Variants in TMEM178B observed in about 807,000 individuals in gnomAD.
TMEM178B encodes transmembrane protein 178B.
A neutral mutation model predicts 31.0 loss-of-function variants in TMEM178B; 5 were observed. That is an observed-to-expected ratio of 0.16 (90% CI 0.08 to 0.34). The LOEUF is 0.34. TMEM178B is among the 10% of genes least tolerant of loss of function. The pLI is 1.00. For synonymous variants in TMEM178B, 164 were observed against 164.0 expected, an observed-to-expected ratio of 1.00 and a Z score of 0.00; for missense variants, 275 against 400.3, an observed-to-expected ratio of 0.69 and a Z score of 2.67.
the TMEM178B span, among the ~76,000 whole-genome samples, chr7:141,505,705 A>G: frequency 6.6e-6 from 1 of 152,210 alleles, no homozygotes; most frequent in Non-Finnish European, 1.5e-5. Context: ...GCTCTTAACT[A>G]CTTGCTAGCT....
intron 1 of TMEM178B, among the ~76,000 whole-genome samples, chr7:141,164,067 T>G (rs1007688573): frequency 1.3e-5 from 2 of 152,192 alleles, no homozygotes; most frequent in African/African-American, 4.8e-5. Flanking sequence ...CCGTAACTAC[T>G]GAAACCTTAT....
intron 2 of TMEM178B, chr7:141,414,969 G>T (rs1056576501): frequency 6.6e-6 from 1 of 152,250 alleles, no homozygotes; most frequent in Admixed American, 6.5e-5. Flanking sequence ...TGAGCTAGAA[G>T]GTTGCAAGGC....
intron 2 of TMEM178B, among the ~76,000 whole-genome samples, chr7:141,222,687 G>A (rs1453708162): frequency 2.0e-5 from 3 of 152,154 alleles, no homozygotes; most frequent in African/African-American, 4.8e-5. Flanking sequence ...TGTGCAACCT[G>A]TGCAGGTGAA....
At chr7:141,425,834 G>A (rs1801305032) in intron 2 of TMEM178B, among the ~76,000 whole-genome samples, 1 of 152,184 alleles carries the variant, frequency 6.6e-6, no homozygotes. Context: ...TGATCCGGAG[G>A]TAGGACTGAG....
At chr7:141,149,606 A>T (rs1329363481) in intron 1 of TMEM178B, among the ~76,000 whole-genome samples, 1 of 152,218 alleles carries the variant, frequency 6.6e-6, no homozygotes, top group Non-Finnish European at 1.5e-5. Context: ...ATACTGGATT[A>T]GCATGGGCCT....
At chr7:141,192,335 G>A (rs1796710004) in intron 1 of TMEM178B, among the ~76,000 whole-genome samples, 1 of 152,116 alleles carries the variant, frequency 6.6e-6, no homozygotes, top group African/African-American at 2.4e-5. Context: ...TCAGGGTGTG[G>A]AGGGGGAGAT....
intron 1 of TMEM178B, among the ~76,000 whole-genome samples, chr7:141,112,911 GT>G (rs980376310): frequency 6.6e-6 from 1 of 152,212 alleles, no homozygotes; most frequent in Admixed American, 6.5e-5. Flanking sequence ...AGCCCCTCAT[GT>G]GGGGAAGAGG....
At chr7:141,080,827 A>C (rs543919917) in intron 1 of TMEM178B, among the ~76,000 whole-genome samples, 8 of 152,264 alleles carry the variant, frequency 5.3e-5, no homozygotes, top group African/African-American at 1.9e-4. Context: ...ATGGAGCTGA[A>C]AAATTCTTAT....
chr7:141,204,349 CT>C (rs1796928594), intron 1 of TMEM178B, among the ~76,000 whole-genome samples: 1 of 152,214 alleles, frequency 6.6e-6, no homozygotes, highest in African/African-American at 2.4e-5. Flanking sequence ...TCTGCCACCC[CT>C]GTCACCCCCT....
At chr7:141,495,918 G>C in the TMEM178B span, among the ~76,000 whole-genome samples, 4 of 152,196 alleles carry the variant, frequency 2.6e-5, no homozygotes, top group Admixed American at 6.5e-5. Flanking sequence ...AAAATTGATA[G>C]AGCCAATATT....
chr7:141,455,608 G>C (rs147530171), intron 3 of TMEM178B, among the ~76,000 whole-genome samples: 142 of 152,326 alleles, frequency 9.3e-4, no homozygotes, highest in African/African-American at 3.3e-3. Flanking sequence ...ACCTCTCTGT[G>C]CCTCATTTTC....
At chr7:141,356,506 G>A (rs969878131) in intron 2 of TMEM178B, among the ~76,000 whole-genome samples, 14 of 151,832 alleles carry the variant, frequency 9.2e-5, no homozygotes, top group East Asian at 1.9e-4. Context: ...TTTGTTGGTC[G>A]CTTATGTGTA....
chr7:141,206,500 G>C (rs1035640046), intron 1 of TMEM178B, among the ~76,000 whole-genome samples: 4 of 152,176 alleles, frequency 2.6e-5, no homozygotes, highest in Middle Eastern at 3.2e-3. Context: ...TTGTGCTACA[G>C]GGAGGAACTG....
At chr7:141,467,073 A>G (rs1802158318) in intron 3 of TMEM178B, among the ~76,000 whole-genome samples, 1 of 152,186 alleles carries the variant, frequency 6.6e-6, no homozygotes, top group South Asian at 2.1e-4. Context: ...TCTCCAGGTC[A>G]TACAAAGCAC....
intron 1 of TMEM178B, among the ~76,000 whole-genome samples, chr7:141,146,258 T>C (rs1305806490): frequency 1.3e-5 from 2 of 152,188 alleles, no homozygotes; most frequent in African/African-American, 2.4e-5. Flanking sequence ...ACTTTAAGGC[T>C]GGTGTCCATC....
intron 2 of TMEM178B, among the ~76,000 whole-genome samples, chr7:141,437,224 C>T (rs1006945939): frequency 2.0e-5 from 3 of 152,174 alleles, no homozygotes; most frequent in African/African-American, 7.2e-5. Context: ...GGGTTCCAGT[C>T]TCTGTTCTAC....
intron 2 of TMEM178B, among the ~76,000 whole-genome samples, chr7:141,338,929 A>G (rs1023836781): frequency 6.6e-6 from 1 of 152,144 alleles, no homozygotes; most frequent in Non-Finnish European, 1.5e-5. Flanking sequence ...ATGGGGAGCT[A>G]CTCTGACCTA....
intron 2 of TMEM178B, among the ~76,000 whole-genome samples, chr7:141,289,925 A>G (rs1798517566): frequency 6.6e-6 from 1 of 151,886 alleles, no homozygotes; most frequent in Non-Finnish European, 1.5e-5. Flanking sequence ...ATTTAAGGCC[A>G]AGAATTAGAG....
chr7:141,138,074 T>TTG (rs907785051), intron 1 of TMEM178B, among the ~76,000 whole-genome samples: 3 of 151,902 alleles, frequency 2.0e-5, no homozygotes, highest in African/African-American at 7.3e-5. Flanking sequence ...TTTTTTTTTT[T>TTG]TTTTTGAGAC....
Sources: gnomAD v4.1 joint callset for allele counts (sites outside exome capture counted in the v4.1 genomes callset) on GRCh38, gnomAD v4.1.1 for gene constraint, MANE v1.5 for transcripts, NCBI Gene and HGNC (gene_info 2026-07-23, HGNC 2026-07-21) for gene names.